The following ZNF700 variants were observed in gnomAD, a reference collection of about 807,000 sequenced individuals.
The protein encoded by ZNF700 is zinc finger protein 700.
In ZNF700, 38 loss-of-function variants were observed where a neutral mutation model predicts 65.3. That is an observed-to-expected ratio of 0.58 (90% confidence interval 0.45 to 0.76). The LOEUF (loss-of-function observed/expected upper bound fraction) is 0.76. ZNF700 is among the 30% of genes least tolerant of loss of function. The pLI is 0.00. For synonymous variants in ZNF700, 285 were observed against 290.4 expected (o/e 0.98, Z 0.19); for missense variants, 857 against 888.4 (o/e 0.96, Z 0.45).
intron 1 of ZNF700, among the ~76,000 whole-genome samples, chr19:11,928,569 A>T (rs1004917203): frequency 5.4e-5 from 8 of 149,408 alleles, no homozygotes; most frequent in Non-Finnish European, 8.9e-5. Context: ...CGTCTCTACT[A>T]AAAATACAAA....
rs279240 is a variant in ZNF700 at position 11,935,142 on chromosome 19, C to T, written c.63+9869C>T. Reference sequence around the variant, plus strand: ...AGTGGGCCGAGATGGCACCACTGCACTCCAGCCTGGGCGACAGAGCGAGAC... The same window carrying T: ...AGTGGGCCGAGATGGCACCACTGCATTCCAGCCTGGGCGACAGAGCGAGAC... On this transcript the variant is annotated intron_variant, in intron 1 of 3. Coordinates refer to ENST00000254321, the MANE Select transcript of ZNF700 (RefSeq NM_144566.3). Among the ~76,000 whole-genome samples, 184 of 137,442 alleles carry T rather than the reference C, an allele frequency of 1.3e-3. 3 individuals are homozygous for T. Among genetic ancestry groups the T allele is most frequent in the Middle Eastern group, 7.5e-3 (2 of 266 alleles). 90.2% of individuals were successfully genotyped at this position (137,442 alleles called of 152,430 possible).
Position 11,949,937 on chromosome 19 carries a change from A to T in ZNF700, c.1913A>T (p.His638Leu), listed in dbSNP as rs758672344. The part of the protein sequence containing the change: ...AFRSASNLQM[H>L]ERTHTGEKPY... ...AGATCTGCCTCAAACCTTCAGATGC[A>T]TGAAAGGACTCACACTGGAGAGAAA... The change falls in exon 4 of 4, where the codon CAT (histidine) becomes CTT (leucine). Residue 638 changes from histidine (H) to leucine (L), a missense_variant. By Grantham distance (99) the His-to-Leu change is moderately conservative. This residue lies in a region of ZNF700 where 251 missense variants were observed against 250.3 expected (regional missense o/e 1.00). Coordinates refer to ENST00000254321, the MANE Select transcript of ZNF700 (RefSeq NM_144566.3). 7.4e-6 allele frequency: 12 copies of T among 1,614,030 alleles called. No individual in the cohort carries two copies. The Admixed American group carries it at 1.8e-4, about 25-fold the overall frequency.
chr19:11,944,576 C>T (rs189704270), intron 1 of ZNF700, among the ~76,000 whole-genome samples: 14 of 152,310 alleles, frequency 9.2e-5, no homozygotes, highest in Non-Finnish European at 1.5e-4. Context: ...AAGAAGCACA[C>T]GGGTTACTTC....
intron 1 of ZNF700, among the ~76,000 whole-genome samples, chr19:11,939,256 T>A (rs1004066597): frequency 2.6e-5 from 4 of 152,254 alleles, no homozygotes; most frequent in Admixed American, 6.5e-5. Context: ...CAATTTTGGC[T>A]TTTGTTGCCA....
At chr19:11,937,789 A>G (rs1262824049) in intron 1 of ZNF700, among the ~76,000 whole-genome samples, 6 of 152,034 alleles carry the variant, frequency 3.9e-5, no homozygotes, top group Non-Finnish European at 7.4e-5. Context: ...CACCTGGCCT[A>G]TAGATTTTTC....
Position 11,937,534 on chromosome 19 carries a change from G to C in ZNF700, c.64-9647G>C, listed in dbSNP as rs554057739. Among the ~76,000 whole-genome samples, 71 of 148,910 alleles carry C rather than the reference G, an allele frequency of 4.8e-4. 1 individual carries two copies. The East Asian group carries it at 0.013, about 28-fold the overall frequency. On this transcript the variant is annotated intron_variant, in intron 1 of 3. Transcript: ENST00000254321. ...GACAGAGTCTCGCTCTGTCACCCAGGCTGGAGTGCAGTGGCGCCATCTCGG... is the reference window on the plus strand; with the variant it reads ...GACAGAGTCTCGCTCTGTCACCCAGCCTGGAGTGCAGTGGCGCCATCTCGG...
At chr19:11,938,081 C>T (rs1020283501) in intron 1 of ZNF700, among the ~76,000 whole-genome samples, 2 of 151,014 alleles carry the variant, frequency 1.3e-5, no homozygotes, top group East Asian at 3.9e-4. Context: ...GTTTTTTGTT[C>T]GTTTGGAGAC....
At position 11,950,067 on chromosome 19, in the gene ZNF700, T is replaced by C; in HGVS notation, c.2043T>C (p.Cys681=). The C allele has an allele frequency of 6.2e-7, 1 of 1,614,180 alleles. No homozygotes were observed. Among genetic ancestry groups the C allele is most frequent in the Non-Finnish European group, 8.5e-7 (1 of 1,180,008 alleles). ...AGAAGCCCTATGAATGTAAGCATTGTGGGAATGGATTCACATCTGCCAAGA... is the reference window on the plus strand; with the variant it reads ...AGAAGCCCTATGAATGTAAGCATTGCGGGAATGGATTCACATCTGCCAAGA... The part of the protein sequence containing the change: ...RGEKPYECKH[C]GNGFTSAKIL... Residue 681 remains cysteine, a synonymous_variant, in exon 4 of 4, where the codon TGT becomes TGC. Coordinates refer to ENST00000254321, the MANE Select transcript of ZNF700 (RefSeq NM_144566.3).
chr19:11,938,010 A>C (rs1428071057), intron 1 of ZNF700, among the ~76,000 whole-genome samples: 2 of 152,084 alleles, frequency 1.3e-5, no homozygotes, highest in Admixed American at 6.6e-5. Context: ...ATGGAACACT[A>C]CTCATAAATG....
chr19:11,941,519 C>G (rs925418990), intron 1 of ZNF700, among the ~76,000 whole-genome samples: 18 of 152,224 alleles, frequency 1.2e-4, no homozygotes, highest in African/African-American at 4.3e-4. Flanking sequence ...CCAGTACACC[C>G]TCTGCAGCCG....
rs762804792 is a variant in ZNF700 at position 11,948,875 on chromosome 19, A to G, written c.851A>G (p.Asp284Gly). The change falls in exon 4 of 4, where the codon GAT becomes GGT. Residue 284 changes from aspartate (D) to glycine (G), a missense_variant. Asp to Gly is a moderately conservative substitution (Grantham distance 94). Transcript: ENST00000254321. ...GEKPYECSKC[D>G]KAFHSSSSYH... ...AAGCCCTATGAATGTAGCAAATGTG[A>G]TAAAGCATTTCATAGTTCTAGTTCC... 1 of 1,603,266 alleles carries G rather than the reference A, an allele frequency of 6.2e-7. No individual in the cohort carries two copies. Among genetic ancestry groups the G allele is most frequent in the Non-Finnish European group, 8.5e-7 (1 of 1,177,680 alleles).
In ZNF700 at chr19:11,934,564, T is replaced by C. The variant is rs1220621552; in HGVS notation, c.63+9291T>C. Among the ~76,000 whole-genome samples, 2 of 147,962 alleles carry C rather than the reference T, an allele frequency of 1.4e-5. 1 individual carries two copies. Among genetic ancestry groups the C allele is most frequent in the African/African-American group, 5.3e-5 (2 of 37,710 alleles). Reference sequence around the variant, plus strand: ...GTTTGGAGATGCAGTTTCGCTTTTGTTTCCCTGGCTGGAGTGCAATGGCGC... The same window carrying C: ...GTTTGGAGATGCAGTTTCGCTTTTGCTTCCCTGGCTGGAGTGCAATGGCGC... On this transcript the variant is annotated intron_variant, in intron 1 of 3. Transcript: ENST00000254321.
rs1973035469 is a variant in ZNF700 at position 11,949,905 on chromosome 19, A to G, written c.1881A>G (p.Lys627=). ...EKPYECKQCG[K]AFRSASNLQM... ...CCTATGAGTGTAAGCAATGTGGGAA[A>G]GCCTTCAGATCTGCCTCAAACCTTC... The change falls in exon 4 of 4, where the codon AAA becomes AAG. Residue 627 remains lysine (K), a synonymous_variant. Coordinates refer to ENST00000254321, the MANE Select transcript of ZNF700 (RefSeq NM_144566.3). The G allele has an allele frequency of 1.2e-6, 2 of 1,614,196 alleles. No homozygotes were observed. The highest frequency in any genetic ancestry group is 1.3e-5 in the African/African-American group (1 of 75,052).
chr19:11,946,974 G>A (rs1361366779), intron 1 of ZNF700: 2 of 1,004,800 alleles, frequency 2.0e-6, no homozygotes, highest in South Asian at 2.2e-5. Context: ...GGCAACAAGA[G>A]TGAAACTCTG....
intron 2 of ZNF700, 47 bp from the exon 3 acceptor site, chr19:11,947,467 A>T: frequency 6.2e-7 from 1 of 1,602,544 alleles, no homozygotes; most frequent in Non-Finnish European, 8.5e-7. Context: ...TAATTTTTTC[A>T]CAATTTTATA....
chr19:11,934,788 A>G (rs557445925), intron 1 of ZNF700, among the ~76,000 whole-genome samples: 4 of 147,752 alleles, frequency 2.7e-5, no homozygotes, highest in Admixed American at 6.6e-5. Context: ...CGGCTTCCCA[A>G]TGTGCTGGAT....
At position 11,935,238 on chromosome 19, in the gene ZNF700, T is replaced by G. The variant is rs865977189; in HGVS notation, c.63+9965T>G. The stretch of plus-strand genomic sequence containing the variant: ...GGTATACTTGGAAAGATCTTGTTTT[T>G]TTTTTTTTTTTTTTTTGAGACTGTG... On this transcript the variant is annotated intron_variant, in intron 1 of 3. Coordinates refer to ENST00000254321, the MANE Select transcript of ZNF700 (RefSeq NM_144566.3). Among the ~76,000 whole-genome samples the G allele has an allele frequency of 6.5e-5, 9 of 138,886 alleles. No homozygotes were observed. In the South Asian group the frequency reaches 7.2e-4, roughly 11 times the overall value. The allele number at this position is 138,886 out of a possible 152,430, so 91.1% of individuals were successfully genotyped here.
rs552001627 is a variant in ZNF700, at chr19:11,943,855, C to T, written c.64-3326C>T. ...ATGATGAGTTTCCTCATGCTTTGGC[C>T]GCACATAGACCAGTCAGCTTCCAGG... On this transcript the variant is annotated intron_variant, in intron 1 of 3. Coordinates refer to ENST00000254321, the MANE Select transcript of ZNF700 (RefSeq NM_144566.3). Among the ~76,000 whole-genome samples the T allele has an allele frequency of 1.8e-4, 27 of 152,276 alleles. No individual in the cohort carries two copies. The East Asian group carries it at 2.9e-3, about 16-fold the overall frequency.
Sources: gnomAD v4.1 joint callset for allele counts (sites outside exome capture counted in the v4.1 genomes callset) on GRCh38, gnomAD v4.1.1 for gene constraint, gnomAD v4.1.1 regional missense constraint, MANE v1.5 for transcripts, NCBI Gene and HGNC (gene_info 2026-07-23, HGNC 2026-07-21) for gene names.